The following WDR93 variants were observed in gnomAD, a reference collection of about 807,000 sequenced individuals.
WDR93 encodes WD repeat domain 93.
Under a neutral mutation model 82.9 loss-of-function variants are expected in WDR93, and 73 were observed. That is an observed-to-expected ratio of 0.88 (90% CI 0.73 to 1.07). The LOEUF (loss-of-function observed/expected upper bound fraction) is 1.07, where lower values mean the gene tolerates loss of function less well. Among genes scored for constraint, WDR93 ranks in the 50% least tolerant of loss-of-function variants. WDR93 has a pLI of 0.00. For synonymous variants in WDR93, 283 were observed against 300.1 expected (o/e 0.94, Z 0.59); for missense variants, 738 against 826.0 (o/e 0.89, Z 1.31).
At chr15:89,695,157 G>GA (rs35267350) in intron 1 of WDR93, among the ~76,000 whole-genome samples, 63,406 of 147,448 alleles carry the variant, frequency 0.43, 13,746 homozygotes, top group African/African-American at 0.47. Context: ...TTAATTTCTG[G>GA]AAAAAAAAAA....
At chr15:89,734,037 G>C (rs1188711907) in intron 13 of WDR93, among the ~76,000 whole-genome samples, 1 of 152,070 alleles carries the variant, frequency 6.6e-6, no homozygotes, top group Non-Finnish European at 1.5e-5. Context: ...GTGTACGTGT[G>C]TGTGTGTAAT....
chr15:89,730,091 G>A (rs928098399), intron 11 of WDR93, among the ~76,000 whole-genome samples: 10 of 152,202 alleles, frequency 6.6e-5, no homozygotes, highest in African/African-American at 1.7e-4. Flanking sequence ...TTGGGAGGCC[G>A]AGGCGAGTGG....
At chr15:89,695,920 G>A (rs556608591) in intron 1 of WDR93, among the ~76,000 whole-genome samples, 3 of 147,320 alleles carry the variant, frequency 2.0e-5, no homozygotes, top group Non-Finnish European at 3.0e-5. Context: ...AGATTCAAGC[G>A]ATTATTGGTC....
At chr15:89,729,133 T>C (rs1216664415) in intron 10 of WDR93, 40 bp downstream of exon 10, 2 of 1,579,132 alleles carry the variant, frequency 1.3e-6, no homozygotes, top group African/African-American at 2.7e-5. Flanking sequence ...TAGCAAGGAG[T>C]CACCTTGGGG....
chr15:89,734,105 A>G (rs911610653), intron 13 of WDR93, among the ~76,000 whole-genome samples: 2 of 152,174 alleles, frequency 1.3e-5, no homozygotes, highest in South Asian at 2.1e-4. Flanking sequence ...CTCCAGTTCC[A>G]TTTGGGCTCC....
chr15:89,726,396 G>A (rs958024346), intron 8 of WDR93, among the ~76,000 whole-genome samples: 1 of 152,218 alleles, frequency 6.6e-6, no homozygotes, highest in Non-Finnish European at 1.5e-5. Flanking sequence ...TCCTTTGAGA[G>A]CTAGTGTATC....
chr15:89,717,407 T>C (rs1316110633), intron 7 of WDR93, among the ~76,000 whole-genome samples: 1 of 152,210 alleles, frequency 6.6e-6, no homozygotes, highest in Non-Finnish European at 1.5e-5. Flanking sequence ...TCAAATATGC[T>C]AATGAAATGT....
At chr15:89,697,560 G>A (rs1402035922) in intron 1 of WDR93, among the ~76,000 whole-genome samples, 4 of 152,272 alleles carry the variant, frequency 2.6e-5, no homozygotes, top group Admixed American at 2.6e-4. Flanking sequence ...CTGGAATATG[G>A]TTTGTCTTGG....
At position 89,737,798 on chromosome 15, in the gene WDR93, G is replaced by C. The variant is rs1358726823; in HGVS notation, c.1765+69G>C. The stretch of plus-strand genomic sequence containing the variant: ...GACTTAGTTCTCTCACAAACAGAGA[G>C]AGCCCCTCCGATCTCCTCCCCACTC... On this transcript the variant is annotated intron_variant, in intron 15 of 16. Coordinates refer to ENST00000268130, the MANE Select transcript of WDR93 (RefSeq NM_020212.2). 24 of 1,591,392 alleles carry C rather than the reference G, an allele frequency of 1.5e-5. No individual in the cohort carries two copies. The South Asian group carries it at 2.6e-4, about 17-fold the overall frequency.
intron 4 of WDR93, among the ~76,000 whole-genome samples, chr15:89,707,113 C>G (rs920871810): frequency 6.6e-6 from 1 of 150,924 alleles, no homozygotes; most frequent in Non-Finnish European, 1.5e-5. Context: ...TTTTAATGGG[C>G]AAAGGATTTG....
chr15:89,735,691 TAGAA>T, intron 14 of WDR93, 138 bp downstream of exon 14: 1 of 858,134 alleles, frequency 1.2e-6, no homozygotes, highest in Non-Finnish European at 1.8e-6. Flanking sequence ...GGTTTACAAA[TAGAA>T]AGAGAAAGAA....
chr15:89,718,987 G>A (rs1966393031), intron 7 of WDR93, among the ~76,000 whole-genome samples: 1 of 152,036 alleles, frequency 6.6e-6, no homozygotes, highest in Non-Finnish European at 1.5e-5. Context: ...ATACAGTTTT[G>A]TTTCATGGAA....
chr15:89,720,814 T>C (rs188200420), intron 7 of WDR93, among the ~76,000 whole-genome samples: 203 of 152,362 alleles, frequency 1.3e-3, no homozygotes, highest in Non-Finnish European at 1.0e-3. Context: ...AATAAAGCTG[T>C]TATTGGTCAG....
intron 16 of WDR93, 120 bp downstream of exon 16, chr15:89,738,356 G>A (rs1967378897): frequency 8.1e-7 from 1 of 1,232,646 alleles, no homozygotes; most frequent in Admixed American, 2.5e-5. Flanking sequence ...GCTGGGCGTG[G>A]TGGCTCACGC....
chr15:89,715,123 T>TA lies in WDR93; in HGVS notation c.756+29dup, dbSNP rs769673509. 4 of 1,596,808 alleles carry TA rather than the reference T, an allele frequency of 2.5e-6. No individual in the cohort carries two copies. The African/African-American group carries it at 5.4e-5, about 21-fold the overall frequency. ...AGGAAATATCTCTGCTTTCAGCTGA[T>TA]ATGTTTCTCCCTACCCCTGACCCAC... On this transcript the variant is annotated intron_variant, in intron 6 of 16. Coordinates refer to ENST00000268130, the MANE Select transcript of WDR93 (RefSeq NM_020212.2).
chr15:89,727,117 G>A, intron 8 of WDR93, 40 bp from the exon 9 acceptor site: 2 of 1,593,736 alleles, frequency 1.3e-6, no homozygotes, highest in Non-Finnish European at 1.7e-6. Context: ...GAAAGGGGGA[G>A]TCACATGGCT....
chr15:89,719,385 CT>C (rs1180774220), intron 7 of WDR93, among the ~76,000 whole-genome samples: 1 of 152,228 alleles, frequency 6.6e-6, no homozygotes, highest in African/African-American at 2.4e-5. Context: ...AATTCAACTC[CT>C]TTAATAGATA....
intron 11 of WDR93, among the ~76,000 whole-genome samples, chr15:89,730,883 CA>C (rs577117534): frequency 0.011 from 1,557 of 140,428 alleles, 13 homozygotes; most frequent in African/African-American, 0.026. Context: ...GGCCCTGTCT[CA>C]AAAAAAAAAA....
intron 1 of WDR93, 82 bp downstream of exon 1, chr15:89,690,939 A>T (rs1449075826): frequency 6.8e-6 from 2 of 295,882 alleles, no homozygotes; most frequent in East Asian, 1.4e-4. Flanking sequence ...AGTCTCCTAG[A>T]GGAAAGTCTG....
Sources: gnomAD v4.1 joint callset for allele counts (sites outside exome capture counted in the v4.1 genomes callset) on GRCh38, gnomAD v4.1.1 for gene constraint, MANE v1.5 for transcripts, NCBI Gene and HGNC (gene_info 2026-07-23, HGNC 2026-07-21) for gene names.